Variants in SH3D19 observed in about 807,000 individuals in gnomAD.
SH3D19 encodes the protein SH3 domain-containing protein 19.
SH3D19 carries 58 observed loss-of-function variants against 112.1 expected under a neutral mutation model. The observed-to-expected ratio is 0.52, with a 90% CI of 0.42 to 0.64. SH3D19 has a LOEUF of 0.64. Ranked by LOEUF, SH3D19 falls within the 30% of genes least tolerant of loss-of-function variation. The pLI is 0.00. For synonymous variants in SH3D19, 391 were observed against 448.5 expected, an observed-to-expected ratio of 0.87 and a Z score of 1.62; for missense variants, 1,090 against 1,263.4, an observed-to-expected ratio of 0.86 and a Z score of 2.08.
At chr4:151,237,240 G>A (rs1326273159) in intron 1 of SH3D19, among the ~76,000 whole-genome samples, 1 of 152,210 alleles carries the variant, frequency 6.6e-6, no homozygotes, top group Non-Finnish European at 1.5e-5. Context: ...CATTCTTGAA[G>A]TCAGCAAGAC....
chr4:151,128,927 C>T (rs1166552554), intron 17 of SH3D19, among the ~76,000 whole-genome samples: 1 of 152,128 alleles, frequency 6.6e-6, no homozygotes, highest in East Asian at 1.9e-4. Context: ...GCATGATCCA[C>T]CTCACTCAGC....
intron 1 of SH3D19, among the ~76,000 whole-genome samples, chr4:151,232,224 T>C (rs573910237): frequency 6.4e-4 from 97 of 152,308 alleles, no homozygotes; most frequent in African/African-American, 2.2e-3. Context: ...AGACTATCTC[T>C]GGAATGTTTT....
intron 1 of SH3D19, chr4:151,282,255 A>G: frequency 6.2e-7 from 1 of 1,613,968 alleles, no homozygotes; most frequent in East Asian, 2.2e-5. Context: ...CATCCCAAGT[A>G]CCAAGATACA....
intron 2 of SH3D19, among the ~76,000 whole-genome samples, chr4:151,193,272 T>C (rs1002521934): frequency 2.2e-4 from 33 of 151,742 alleles, no homozygotes; most frequent in Non-Finnish European, 2.9e-5. Context: ...ATAGGTTTGT[T>C]TTTTTTTTTA....
intron 12 of SH3D19, among the ~76,000 whole-genome samples, chr4:151,141,440 A>G (rs1241521946): frequency 2.6e-5 from 4 of 152,124 alleles, no homozygotes; most frequent in African/African-American, 7.2e-5. Context: ...GTGGCTTTTC[A>G]TAATTATTCA....
At chr4:151,248,943 C>T (rs1367369202) in intron 1 of SH3D19, among the ~76,000 whole-genome samples, 1 of 152,130 alleles carries the variant, frequency 6.6e-6, no homozygotes, top group Non-Finnish European at 1.5e-5. Flanking sequence ...TTAAGTTTTT[C>T]TCTTGTCAAC....
intron 1 of SH3D19, among the ~76,000 whole-genome samples, chr4:151,305,525 G>A (rs1175423966): frequency 6.6e-6 from 1 of 152,158 alleles, no homozygotes; most frequent in Non-Finnish European, 1.5e-5. Context: ...CCCCAAAGAT[G>A]ACATATGGAT....
intron 2 of SH3D19, among the ~76,000 whole-genome samples, chr4:151,188,345 T>C (rs1241707198): frequency 6.6e-6 from 1 of 152,174 alleles, no homozygotes; most frequent in Non-Finnish European, 1.5e-5. Flanking sequence ...AGGCTTTCTG[T>C]AAAACAGCTA....
intron 1 of SH3D19, among the ~76,000 whole-genome samples, chr4:151,302,636 T>C (rs1728545737): frequency 6.6e-6 from 1 of 152,220 alleles, no homozygotes; most frequent in South Asian, 2.1e-4. Flanking sequence ...CTATAGACAA[T>C]GAAACTTTAT....
intron 9 of SH3D19, among the ~76,000 whole-genome samples, chr4:151,155,408 A>G (rs1755910063): frequency 6.6e-6 from 1 of 152,218 alleles, no homozygotes; most frequent in Non-Finnish European, 1.5e-5. Context: ...AATTTAATTT[A>G]ATGTCTCCTT....
At chr4:151,280,028 C>G in intron 1 of SH3D19, 1 of 909,674 alleles carries the variant, frequency 1.1e-6, no homozygotes, top group East Asian at 3.8e-5. Flanking sequence ...CATGAATGAA[C>G]CAAAAGACAA....
chr4:151,283,185 C>T lies in SH3D19; in HGVS notation c.112+42056G>A, dbSNP rs1580401034. 11 of 1,613,750 alleles carry T rather than the reference C, an allele frequency of 6.8e-6. No homozygotes were observed. In the East Asian group the frequency reaches 1.8e-4, roughly 26 times the overall value. ...TATTGACCGCCAGGCTTGTGAACAG[C>T]TCTACAATCCCATCGGTATCTTCTT... On this transcript the variant is annotated intron_variant, in intron 1 of 19. Coordinates refer to ENST00000604030, the MANE Select transcript of SH3D19 (RefSeq NM_001378122.1).
chr4:151,160,383 G>A lies in SH3D19; in HGVS notation c.1643-1031C>T, dbSNP rs1257087394. Among the ~76,000 whole-genome samples, 7 of 152,302 alleles carry A rather than the reference G, an allele frequency of 4.6e-5. No homozygotes were observed. In the South Asian group the frequency reaches 1.2e-3, roughly 27 times the overall value. ...ATTACAGGCGTAAGCCACTGCATCC[G>A]CCCAATGTGTTTTCTAATTCAGTAG... On this transcript the variant is annotated intron_variant, in intron 8 of 19. Coordinates refer to ENST00000604030, the MANE Select transcript of SH3D19 (RefSeq NM_001378122.1).
chr4:151,298,344 A>G (rs912947628), intron 1 of SH3D19, among the ~76,000 whole-genome samples: 2 of 151,810 alleles, frequency 1.3e-5, no homozygotes, highest in Non-Finnish European at 2.9e-5. Context: ...TGCCCAGCTA[A>G]TTTTTGTATT....
chr4:151,198,282 G>A (rs1234013646), intron 2 of SH3D19, among the ~76,000 whole-genome samples: 4 of 145,158 alleles, frequency 2.8e-5, no homozygotes, highest in African/African-American at 1.0e-4. Flanking sequence ...TCCAGCATGG[G>A]TGACACAGCG....
At chr4:151,204,190 G>A (rs754888238) in intron 2 of SH3D19, among the ~76,000 whole-genome samples, 3 of 152,170 alleles carry the variant, frequency 2.0e-5, no homozygotes, top group African/African-American at 7.2e-5. Flanking sequence ...TGTAAACACT[G>A]AGTGACAGTA....
intron 7 of SH3D19, among the ~76,000 whole-genome samples, chr4:151,168,686 G>T (rs752166524): frequency 4.6e-5 from 7 of 152,032 alleles, no homozygotes; most frequent in Non-Finnish European, 5.9e-5. Flanking sequence ...TCCCACCTTG[G>T]CCTCTCAAAG....
At chr4:151,128,683 C>T (rs1464530714) in intron 17 of SH3D19, among the ~76,000 whole-genome samples, 3 of 152,126 alleles carry the variant, frequency 2.0e-5, no homozygotes, top group Non-Finnish European at 4.4e-5. Context: ...CTTAGTAACC[C>T]AGGATGGAGT....
intron 6 of SH3D19, 71 bp from the exon 7 acceptor site, chr4:151,175,745 A>T (rs1759838695): frequency 8.2e-7 from 1 of 1,214,902 alleles, no homozygotes; most frequent in Non-Finnish European, 1.0e-6. Context: ...AAGGAAAAAA[A>T]TAGAAGATAC....
Sources: gnomAD v4.1 joint callset for allele counts (sites outside exome capture counted in the v4.1 genomes callset) on GRCh38, gnomAD v4.1.1 for gene constraint, MANE v1.5 for transcripts, NCBI Gene and HGNC (gene_info 2026-07-23, HGNC 2026-07-21) for gene names.